Variants in ANK2 observed in about 807,000 individuals in gnomAD.
ANK2 encodes ankyrin 2, also known as ankyrin-2.
A neutral mutation model predicts 360.5 loss-of-function variants in ANK2; 83 were observed. That is an observed-to-expected ratio of 0.23 (90% confidence interval 0.19 to 0.28). ANK2 has a LOEUF of 0.28. Among genes scored for constraint, ANK2 ranks in the 10% least tolerant of loss-of-function variants. The pLI is 1.00. For missense variants in ANK2, 4,201 were observed against 4,795.7 expected, an observed-to-expected ratio of 0.88 and a Z score of 3.66; for synonymous variants, 1,740 against 1,759.5, an observed-to-expected ratio of 0.99 and a Z score of 0.28.
chr4:112,785,665 T>C, the ANK2 span, among the ~76,000 whole-genome samples: 110,739 of 151,860 alleles, frequency 0.73, 41,281 homozygotes, highest in East Asian at 0.97. Context: ...CCACTGCGCC[T>C]GGCCTTTTTG....
chr4:112,887,515 A>G (rs1269177263), intron 1 of ANK2, among the ~76,000 whole-genome samples: 1 of 152,176 alleles, frequency 6.6e-6, no homozygotes, highest in Non-Finnish European at 1.5e-5. Context: ...CATCTGTAGT[A>G]AGCACTCAAT....
intron 1 of ANK2, among the ~76,000 whole-genome samples, chr4:113,115,066 C>G (rs1256698120): frequency 6.6e-6 from 1 of 152,150 alleles, no homozygotes; most frequent in Admixed American, 6.5e-5. Flanking sequence ...TTCCCTGAAC[C>G]ACCTTCTTTC....
At chr4:113,141,500 A>G (rs1357741867) in intron 1 of ANK2, 1 of 152,202 alleles carries the variant, frequency 6.6e-6, no homozygotes, top group Non-Finnish European at 1.5e-5. Flanking sequence ...CATCGAATCT[A>G]ATTTTCTTTT....
chr4:113,142,884 CA>C (rs2096687482), intron 1 of ANK2, among the ~76,000 whole-genome samples: 1 of 151,832 alleles, frequency 6.6e-6, no homozygotes, highest in African/African-American at 2.4e-5. Context: ...AAATTTACCC[CA>C]AATGGTGTTA....
chr4:112,886,530 C>T (rs138810019), intron 1 of ANK2, among the ~76,000 whole-genome samples: 1,854 of 151,992 alleles, frequency 0.012, 33 homozygotes, highest in African/African-American at 0.04. Flanking sequence ...GGTGTGGTGG[C>T]GCGCGCCTGT....
the ANK2 span, among the ~76,000 whole-genome samples, chr4:112,762,319 C>G: frequency 6.6e-6 from 1 of 152,166 alleles, no homozygotes; most frequent in South Asian, 2.1e-4. Flanking sequence ...GTTCAAATGT[C>G]TACTCTTAAT....
chr4:113,288,828 C>G (rs1470857702), intron 20 of ANK2, among the ~76,000 whole-genome samples: 1 of 152,000 alleles, frequency 6.6e-6, no homozygotes, highest in Non-Finnish European at 1.5e-5. Flanking sequence ...CTCCCCTGAC[C>G]CCTTCTCCTC....
chr4:113,182,365 G>GA (rs1485193079), intron 2 of ANK2, among the ~76,000 whole-genome samples: 7 of 152,276 alleles, frequency 4.6e-5, no homozygotes, highest in African/African-American at 1.7e-4. Context: ...CTAGGGTCCA[G>GA]AAAAAAGATT....
chr4:112,996,351 A>G (rs1177194069), intron 2 of ANK2, among the ~76,000 whole-genome samples: 1 of 152,178 alleles, frequency 6.6e-6, no homozygotes, highest in Non-Finnish European at 1.5e-5. Flanking sequence ...AACTGTGGTG[A>G]TGGCTAATGT....
chr4:113,145,606 T>C (rs1296562547), intron 1 of ANK2: 2 of 1,075,576 alleles, frequency 1.9e-6, no homozygotes, highest in African/African-American at 3.3e-5. Context: ...GCTGGCCTGG[T>C]AGGTGTAAAA....
At chr4:112,861,168 C>T (rs1254583666) in intron 1 of ANK2, among the ~76,000 whole-genome samples, 1 of 152,162 alleles carries the variant, frequency 6.6e-6, no homozygotes, top group East Asian at 1.9e-4. Flanking sequence ...TTTTTATCAT[C>T]TGGGTGAGAA....
the ANK2 span, among the ~76,000 whole-genome samples, chr4:112,777,278 G>T: frequency 8.4e-4 from 127 of 151,628 alleles, no homozygotes; most frequent in African/African-American, 3.0e-3. Flanking sequence ...TTGCTCTGTC[G>T]CTCAGGCTGG....
intron 4 of ANK2, among the ~76,000 whole-genome samples, chr4:113,217,726 A>C (rs904141157): frequency 6.6e-6 from 1 of 151,744 alleles, no homozygotes; most frequent in Non-Finnish European, 1.5e-5. Context: ...CCCCGCCCCG[A>C]CTCACCTTCT....
chr4:113,003,787 A>G (rs1163446786), intron 2 of ANK2, among the ~76,000 whole-genome samples: 1 of 152,216 alleles, frequency 6.6e-6, no homozygotes, highest in Admixed American at 6.5e-5. Flanking sequence ...ATATGTTCTG[A>G]CAAATTCATC....
intron 2 of ANK2, among the ~76,000 whole-genome samples, chr4:113,042,968 A>G (rs1354006516): frequency 1.3e-5 from 2 of 152,144 alleles, no homozygotes; most frequent in African/African-American, 4.8e-5. Context: ...TTCTATGACC[A>G]TCACTAGCTT....
the ANK2 span, among the ~76,000 whole-genome samples, chr4:112,730,116 T>G: frequency 1.3e-5 from 2 of 149,840 alleles, no homozygotes; most frequent in Non-Finnish European, 3.0e-5. Flanking sequence ...TAGCCAGGTG[T>G]GGTTGTGTGT....
the ANK2 span, among the ~76,000 whole-genome samples, chr4:112,714,474 CA>C: frequency 3.3e-5 from 5 of 152,300 alleles, no homozygotes; most frequent in Non-Finnish European, 5.9e-5. Flanking sequence ...TGAGCCACCG[CA>C]CCCAGCCTTA....
intron 4 of ANK2, among the ~76,000 whole-genome samples, chr4:113,201,999 A>G (rs1396909919): frequency 6.6e-6 from 1 of 152,200 alleles, no homozygotes; most frequent in Non-Finnish European, 1.5e-5. Context: ...TAACATTCAT[A>G]TTGTGCGAAA....
intron 1 of ANK2, among the ~76,000 whole-genome samples, chr4:113,144,645 G>C (rs1012587491): frequency 8.0e-5 from 12 of 150,472 alleles, no homozygotes; most frequent in African/African-American, 2.7e-4. Flanking sequence ...GCATTGAGTA[G>C]TTTAAAATGA....
Sources: allele counts gnomAD v4.1 joint callset (sites outside exome capture counted in the v4.1 genomes callset), GRCh38; gene constraint gnomAD v4.1.1; transcripts MANE v1.5; gene names NCBI Gene and HGNC (gene_info 2026-07-23, HGNC 2026-07-21).